Variants in PTPN3 observed in about 807,000 individuals in gnomAD.
PTPN3 encodes the protein protein tyrosine phosphatase non-receptor type 3, also known as tyrosine-protein phosphatase non-receptor type 3.
Under a neutral mutation model 132.7 loss-of-function variants are expected in PTPN3, and 96 were observed. The ratio of observed to expected loss-of-function variants is 0.72; its 90% CI spans 0.61 to 0.86. PTPN3 has a LOEUF of 0.86. Among genes scored for constraint, PTPN3 ranks in the 40% least tolerant of loss-of-function variants. The pLI is 0.00. For missense variants in PTPN3, 1,125 were observed against 1,159.6 expected (o/e 0.97, Z 0.43); for synonymous variants, 398 against 429.0 (o/e 0.93, Z 0.89).
chr9:109,510,925 G>A, the PTPN3 span, among the ~76,000 whole-genome samples: 4 of 151,784 alleles, frequency 2.6e-5, no homozygotes, highest in Non-Finnish European at 2.9e-5. Flanking sequence ...TTTAATTTTC[G>A]TTTTTGTATT....
chr9:109,461,036 C>T (rs1845822604), intron 2 of PTPN3, among the ~76,000 whole-genome samples: 1 of 152,232 alleles, frequency 6.6e-6, no homozygotes, highest in East Asian at 1.9e-4. Context: ...AAGCCAGACA[C>T]ATACTAAACT....
intron 19 of PTPN3, chr9:109,397,522 G>C (rs144856816): frequency 6.6e-6 from 1 of 152,274 alleles, no homozygotes; most frequent in East Asian, 1.9e-4. Flanking sequence ...CAAATTAACA[G>C]TTCACTACTC....
chr9:109,513,532 A>T, the PTPN3 span, among the ~76,000 whole-genome samples: 4 of 152,188 alleles, frequency 2.6e-5, no homozygotes, highest in Admixed American at 2.6e-4. Context: ...CTTTGAGGGC[A>T]GGGGCTTTTC....
At chr9:109,504,997 TAGG>T in the PTPN3 span, among the ~76,000 whole-genome samples, 62 of 152,268 alleles carry the variant, frequency 4.1e-4, 3 homozygotes, top group East Asian at 0.01. Flanking sequence ...GGAAAACACC[TAGG>T]TAATGTAGAA....
chr9:109,449,365 T>C, intron 5 of PTPN3: 5 of 986,330 alleles, frequency 5.1e-6, no homozygotes, highest in Non-Finnish European at 6.0e-6. Context: ...AACCCCCAGG[T>C]GAGCATTCTG....
chr9:109,494,175 C>G (rs990579527), intron 1 of PTPN3, among the ~76,000 whole-genome samples: 2 of 152,220 alleles, frequency 1.3e-5, no homozygotes, highest in Non-Finnish European at 2.9e-5. Flanking sequence ...TAGTGAACAC[C>G]AAGAGGCTGG....
the PTPN3 span, among the ~76,000 whole-genome samples, chr9:109,515,418 G>A: frequency 3.3e-5 from 5 of 152,134 alleles, no homozygotes; most frequent in African/African-American, 4.8e-5. Flanking sequence ...CTGAGCGCAG[G>A]GGGGGTCTTA....
At chr9:109,397,870 A>C (rs1425495976) in intron 19 of PTPN3, 1 of 152,238 alleles carries the variant, frequency 6.6e-6, no homozygotes, top group Non-Finnish European at 1.5e-5. Flanking sequence ...CAAAGCCCCC[A>C]GTTTGCTCCG....
rs1845617812 is a variant in PTPN3 at position 109,457,354 on chromosome 9, G to A, written c.184C>T (p.Leu62=). 6 of 1,614,172 alleles carry A rather than the reference G, an allele frequency of 3.7e-6. No individual in the cohort carries two copies. Among genetic ancestry groups the A allele is most frequent in the Middle Eastern group, 1.6e-4 (1 of 6,062 alleles). The change falls in exon 3 of 26, where the codon CTG becomes TTG. Residue 62 remains leucine, a synonymous_variant. Coordinates refer to ENST00000374541, the MANE Select transcript of PTPN3 (RefSeq NM_002829.4). The stretch of plus-strand genomic sequence containing the variant: ...AAATATTCCTTTTCAGTCACACCCA[G>A]GTGGTTGTGCACCATATCCAGAAGA... ...QVLLDMVHNH[L]GVTEKEYFGL... is the part of the protein sequence containing the mutation.
chr9:109,491,594 G>T (rs1466201079), intron 1 of PTPN3, among the ~76,000 whole-genome samples: 2 of 152,184 alleles, frequency 1.3e-5, no homozygotes, highest in African/African-American at 4.8e-5. Flanking sequence ...GTAGCCGGGA[G>T]ACAGGTACTA....
intron 1 of PTPN3, among the ~76,000 whole-genome samples, chr9:109,484,670 C>T (rs1182497337): frequency 2.6e-5 from 4 of 152,176 alleles, no homozygotes; most frequent in African/African-American, 9.7e-5. Flanking sequence ...GTTTCTGGAG[C>T]AGGCTGGTCA....
At chr9:109,522,069 T>G in the PTPN3 span, among the ~76,000 whole-genome samples, 1 of 152,190 alleles carries the variant, frequency 6.6e-6, no homozygotes, top group Non-Finnish European at 1.5e-5. Context: ...TGCTGTCTGA[T>G]TTGTCTAAGG....
intron 1 of PTPN3, 134 bp from the exon 2 acceptor site, chr9:109,463,585 T>C: frequency 9.7e-6 from 7 of 719,976 alleles, no homozygotes; most frequent in Non-Finnish European, 1.5e-5. Flanking sequence ...ACATAGCAGA[T>C]CATGTTTCCA....
intron 9 of PTPN3, among the ~76,000 whole-genome samples, chr9:109,433,404 T>C (rs1013341982): frequency 1.3e-5 from 2 of 152,188 alleles, no homozygotes; most frequent in South Asian, 2.1e-4. Context: ...GTCTAGAAAG[T>C]TACCAAATAA....
In PTPN3 at chr9:109,441,086, A is replaced by T. The variant is rs558614617; in HGVS notation, c.467-2852T>A. Among the ~76,000 whole-genome samples the T allele has an allele frequency of 2.5e-4, 38 of 152,302 alleles. 1 individual carries two copies. The East Asian group carries it at 7.1e-3, about 29-fold the overall frequency. On this transcript the variant is annotated intron_variant, in intron 7 of 25. Coordinates refer to ENST00000374541, the MANE Select transcript of PTPN3 (RefSeq NM_002829.4). ...GTCTGCCACTGTTGCTCAGCTGCTA[A>T]TTTGGAGGCTAGACTCTGACCATAG...
rs1843336155 is a variant in PTPN3, at chr9:109,427,129, G to A, written c.829-7C>T. The stretch of plus-strand genomic sequence containing the variant: ...TATGTTCCCTGGATTCAGCCTGGGA[G>A]GAAAAACAGTCAAGATTTCACCCAC... On this transcript the variant is annotated splice_polypyrimidine_tract_variant and splice_region_variant and intron_variant, in intron 11 of 25. Coordinates refer to ENST00000374541, the MANE Select transcript of PTPN3 (RefSeq NM_002829.4). The A allele has an allele frequency of 6.2e-7, 1 of 1,613,370 alleles. No individual in the cohort carries two copies. Among genetic ancestry groups the A allele is most frequent in the African/African-American group, 1.3e-5 (1 of 75,024 alleles).
chr9:109,434,040 A>C (rs1047538183), intron 9 of PTPN3, among the ~76,000 whole-genome samples: 1 of 152,188 alleles, frequency 6.6e-6, no homozygotes, highest in African/African-American at 2.4e-5. Flanking sequence ...AGCCGCTACA[A>C]GTTTGAGAAC....
chr9:109,461,835 TGGGTTA>T (rs1260463045), intron 2 of PTPN3, among the ~76,000 whole-genome samples: 3 of 152,172 alleles, frequency 2.0e-5, no homozygotes, highest in African/African-American at 7.2e-5. Context: ...GGCTCCCCTA[TGGGTTA>T]GTGCAGACAC....
intron 21 of PTPN3, among the ~76,000 whole-genome samples, chr9:109,390,876 G>T (rs10512393): frequency 2.0e-5 from 3 of 151,926 alleles, no homozygotes; most frequent in Non-Finnish European, 4.4e-5. Flanking sequence ...GCATGTGGAC[G>T]ATTGAATTAG....
Sources: allele counts gnomAD v4.1 joint callset (sites outside exome capture counted in the v4.1 genomes callset), GRCh38; gene constraint gnomAD v4.1.1; transcripts MANE v1.5; gene names NCBI Gene and HGNC (gene_info 2026-07-23, HGNC 2026-07-21).